NUP62: variants seen among roughly 807,000 people sequenced by gnomAD.
NUP62 encodes the protein nuclear pore glycoprotein p62.
For synonymous variants in NUP62, 305 were observed against 303.4 expected, an observed-to-expected ratio of 1.01 and a Z score of -0.05; for missense variants, 647 against 689.4, an observed-to-expected ratio of 0.94 and a Z score of 0.69.
rs543563889 is a variant in NUP62, at chr19:49,927,021, G to A, written c.-78+673C>T. On this transcript the variant is annotated intron_variant, in intron 2 of 2. Coordinates refer to ENST00000352066, the MANE Select transcript of NUP62 (RefSeq NM_016553.5). ...ACCACAGGTGCAAACCACCACACCC[G>A]ACTATTTTTTTGTATTTTTGGTAGA... Among the ~76,000 whole-genome samples, 12 of 151,938 alleles carry A rather than the reference G, an allele frequency of 7.9e-5. 1 individual carries two copies. Among genetic ancestry groups the A allele is most frequent in the East Asian group, 5.8e-4 (3 of 5,166 alleles).
Position 49,909,348 on chromosome 19 carries a change from T to C in NUP62, c.460A>G (p.Thr154Ala). Residue 154 changes from threonine to alanine, a missense_variant, in exon 3 of 3, where the codon ACA (threonine) becomes GCA (alanine). Coordinates refer to ENST00000352066, the MANE Select transcript of NUP62 (RefSeq NM_016553.5). ...CCAGTGAATGAGAAGCCTCCAGATGTGGTAGCTGGAGCCACAGAGGTGGTG... is the reference window on the plus strand; with the variant it reads ...CCAGTGAATGAGAAGCCTCCAGATGCGGTAGCTGGAGCCACAGAGGTGGTG... ...PSTTSVAPAT[T>A]SGGFSFTGGS... is the part of the protein sequence containing the mutation. 1 of 1,613,814 alleles carries C rather than the reference T, an allele frequency of 6.2e-7. No individual in the cohort carries two copies. The highest frequency in any genetic ancestry group is 2.2e-5 in the East Asian group (1 of 44,860).
intron 2 of NUP62, among the ~76,000 whole-genome samples, chr19:49,924,651 G>A (rs1445068739): frequency 6.6e-6 from 1 of 152,228 alleles, no homozygotes; most frequent in African/African-American, 2.4e-5. Context: ...ACAGGCCTGG[G>A]TCAGGAATGT....
intron 2 of NUP62, among the ~76,000 whole-genome samples, chr19:49,923,371 G>A (rs1482002723): frequency 6.6e-6 from 1 of 152,232 alleles, no homozygotes; most frequent in African/African-American, 2.4e-5. Flanking sequence ...ATTAGAAAAT[G>A]TATTGATGCC....
intron 2 of NUP62, among the ~76,000 whole-genome samples, chr19:49,920,332 C>T (rs570598785): frequency 2.0e-5 from 3 of 152,338 alleles, no homozygotes; most frequent in Admixed American, 6.5e-5. Context: ...CCGCCCACCT[C>T]GGTCTCCCAA....
intron 2 of NUP62, among the ~76,000 whole-genome samples, chr19:49,914,575 C>T (rs1037895197): frequency 2.6e-5 from 4 of 152,064 alleles, no homozygotes; most frequent in Non-Finnish European, 5.9e-5. Flanking sequence ...GAGGAAGACC[C>T]GCTTGGGATT....
rs1295800361 is a variant in NUP62, at chr19:49,929,494, A to G, written c.-368T>C. On this transcript the variant is annotated 5_prime_UTR_variant, in exon 1 of 3. Transcript: ENST00000352066. ...GAGCCCTGGGGGGTGGGGAGTCGCGAGCGGGGAATCACGGTCGCGCAGGCG... is the reference window on the plus strand; with the variant it reads ...GAGCCCTGGGGGGTGGGGAGTCGCGGGCGGGGAATCACGGTCGCGCAGGCG... 6.6e-6 allele frequency: 1 copy of G among 151,962 alleles called. No homozygotes were observed. The highest frequency in any genetic ancestry group is 1.5e-5 in the Non-Finnish European group (1 of 68,102). 9.4% of individuals were successfully genotyped at this position (151,962 alleles called of 1,614,324 possible).
rs1044657638 is a variant in NUP62 at position 49,921,250 on chromosome 19, G to C, written c.-78+6444C>G. On this transcript the variant is annotated intron_variant, in intron 2 of 2. Transcript: ENST00000352066. This position sits in a 1 kb window ranked among gnomAD's most constrained non-coding sequence, Gnocchi z 5.4. ...AGGGGAGAGGACTTCAGTCACCTGC[G>C]TAAAGTCCCACAACCAGTAAGGGCT... 6.6e-6 allele frequency among the ~76,000 whole-genome samples: 1 copy of C among 152,108 alleles called. No individual in the cohort carries two copies. Among genetic ancestry groups the C allele is most frequent in the Non-Finnish European group, 1.5e-5 (1 of 68,024 alleles).
At chr19:49,924,557 C>T (rs1380288161) in intron 2 of NUP62, among the ~76,000 whole-genome samples, 3 of 152,174 alleles carry the variant, frequency 2.0e-5, no homozygotes, top group Non-Finnish European at 4.4e-5. Flanking sequence ...CCCCAGTAGC[C>T]CCACCCTTGC....
intron 2 of NUP62, among the ~76,000 whole-genome samples, chr19:49,922,886 G>A (rs1291619793): frequency 2.6e-5 from 4 of 152,040 alleles, no homozygotes; most frequent in East Asian, 1.9e-4. Flanking sequence ...CACCGGTCCA[G>A]GCCTCTTCCC....
intron 2 of NUP62, among the ~76,000 whole-genome samples, chr19:49,912,166 CTTTTTTTTTT>C (rs60350799): frequency 1.4e-4 from 16 of 115,488 alleles, no homozygotes; most frequent in African/African-American, 3.9e-4. Flanking sequence ...AACAGTTCAC[CTTTTTTTTTT>C]TTTTTTTTTT....
intron 2 of NUP62, among the ~76,000 whole-genome samples, chr19:49,926,699 AAATCTATACAGC>A (rs1226166132): frequency 1.3e-5 from 2 of 152,204 alleles, no homozygotes; most frequent in Non-Finnish European, 2.9e-5. Context: ...TTTTGTTCAA[AAATCTATACAGC>A]AATGGAATGA....
Position 49,909,515 on chromosome 19 carries a change from T to C in NUP62, c.293A>G (p.Asn98Ser), listed in dbSNP as rs1362201661. 1.2e-6 allele frequency: 2 copies of C among 1,614,018 alleles called. No individual in the cohort carries two copies. The highest frequency in any genetic ancestry group is 1.7e-5 in the Admixed American group (1 of 59,996). ...TGGGGTGGCAGCTGTGTTGCTCAAGTTGAGCTTTGAAGCACCGATCCCCAA... is the reference window on the plus strand; with the variant it reads ...TGGGGTGGCAGCTGTGTTGCTCAAGCTGAGCTTTGAAGCACCGATCCCCAA... ...FSLGIGASKL[N>S]LSNTAATPAM... The change falls in exon 3 of 3, where the codon AAC (asparagine) becomes AGC (serine). Residue 98 changes from asparagine to serine, a missense_variant. Coordinates refer to ENST00000352066, the MANE Select transcript of NUP62 (RefSeq NM_016553.5).
At chr19:49,924,607 T>G (rs532857673) in intron 2 of NUP62, among the ~76,000 whole-genome samples, 1 of 152,150 alleles carries the variant, frequency 6.6e-6, no homozygotes, top group East Asian at 1.9e-4. Flanking sequence ...AGCTCGAGGC[T>G]GGGGGAGGCC....
chr19:49,923,768 A>C (rs2075818991), intron 2 of NUP62, among the ~76,000 whole-genome samples: 1 of 152,238 alleles, frequency 6.6e-6, no homozygotes, highest in Non-Finnish European at 1.5e-5. Flanking sequence ...AGTCATAGAA[A>C]GAGGATGCCA....
Position 49,927,390 on chromosome 19 carries a change from T to TA in NUP62, c.-78+303dup, listed in dbSNP as rs946061834. Among the ~76,000 whole-genome samples the TA allele has an allele frequency of 8.0e-4, 121 of 151,686 alleles. 1 individual carries two copies. Among genetic ancestry groups the TA allele is most frequent in the South Asian group, 1.7e-3 (8 of 4,798 alleles). ...ATACACTATTGATAGCTGATGAACT[T>TA]AAAAAAAAATCGCAAAAAATTCGCA... On this transcript the variant is annotated intron_variant, in intron 2 of 2. Transcript: ENST00000352066.
Position 49,908,184 on chromosome 19 carries a change from G to T in NUP62, c.*55C>A. 1 of 1,597,124 alleles carries T rather than the reference G, an allele frequency of 6.3e-7. No individual in the cohort carries two copies. The highest frequency in any genetic ancestry group is 1.1e-5 in the South Asian group (1 of 89,954). On this transcript the variant is annotated 3_prime_UTR_variant, in exon 3 of 3. Transcript: ENST00000352066. Reference sequence around the variant, plus strand: ...ACAACCCCAAACTACAGACAACAGGGCGCATTCCCCTCATGAACTCCCTAG... The same window carrying T: ...ACAACCCCAAACTACAGACAACAGGTCGCATTCCCCTCATGAACTCCCTAG...
chr19:49,922,907 C>T (rs1333108141), intron 2 of NUP62, among the ~76,000 whole-genome samples: 1 of 152,142 alleles, frequency 6.6e-6, no homozygotes, highest in Non-Finnish European at 1.5e-5. Context: ...ATGTCAACCC[C>T]CTGCCCCTCC....
chr19:49,920,526 AACCAACCG>A (rs1474432390), intron 2 of NUP62, among the ~76,000 whole-genome samples: 2 of 152,214 alleles, frequency 1.3e-5, no homozygotes, highest in Non-Finnish European at 2.9e-5. Flanking sequence ...CCACTCAACC[AACCAACCG>A]ACCAACCAAC....
Position 49,907,295 on chromosome 19 carries a change from A to G in NUP62, c.*944T>C. 3.3e-6 allele frequency: 1 copy of G among 298,696 alleles called. No individual in the cohort carries two copies. The highest frequency in any genetic ancestry group is 6.5e-6 in the Non-Finnish European group (1 of 154,180). 18.5% of individuals were successfully genotyped at this position (298,696 alleles called of 1,614,324 possible). A position where few individuals can be genotyped will look rare whatever the true frequency, so the allele number is the denominator to read the frequency against. ...TCGGGTAGCTGGGAAGGCTTCCTGG[A>G]GGAGGTGAGGCCCAAGGTGGGGGTG... On this transcript the variant is annotated 3_prime_UTR_variant, in exon 3 of 3. Coordinates refer to ENST00000352066, the MANE Select transcript of NUP62 (RefSeq NM_016553.5).
Sources: allele counts gnomAD v4.1 joint callset (sites outside exome capture counted in the v4.1 genomes callset), GRCh38; gene constraint gnomAD v4.1.1; non-coding constraint Gnocchi (gnomAD v3.1); transcripts MANE v1.5; gene names NCBI Gene and HGNC (gene_info 2026-07-23, HGNC 2026-07-21).